MAPK8: variants seen among roughly 807,000 people sequenced by gnomAD.
MAPK8 encodes JUN N-terminal kinase.
Under a neutral mutation model 52.9 loss-of-function variants are expected in MAPK8, and 13 were observed. The ratio of observed to expected loss-of-function variants is 0.25; its 90% CI spans 0.16 to 0.39. The LOEUF (loss-of-function observed/expected upper bound fraction) is 0.39. Ranked by LOEUF, MAPK8 falls within the 10% of genes least tolerant of loss-of-function variation. MAPK8 has a pLI of 1.00. For missense variants in MAPK8, 300 were observed against 519.2 expected (o/e 0.58, Z 4.10); for synonymous variants, 191 against 169.8 (o/e 1.12, Z -0.97).
intron 1 of MAPK8, among the ~76,000 whole-genome samples, chr10:48,313,474 G>T (rs1276811813): frequency 7.9e-5 from 12 of 152,140 alleles, no homozygotes; most frequent in Middle Eastern, 3.4e-3. Flanking sequence ...AATAATCAAA[G>T]ACATTAATAT....
intron 1 of MAPK8, among the ~76,000 whole-genome samples, chr10:48,338,942 A>G (rs1166075583): frequency 6.6e-6 from 1 of 152,156 alleles, no homozygotes; most frequent in South Asian, 2.1e-4. Flanking sequence ...GATGACACAA[A>G]CAAATGGAAG....
At chr10:48,316,433 C>A (rs1842510707) in intron 1 of MAPK8, among the ~76,000 whole-genome samples, 1 of 152,206 alleles carries the variant, frequency 6.6e-6, no homozygotes, top group Non-Finnish European at 1.5e-5. Flanking sequence ...TGATGCATTT[C>A]TCAGAAGGTA....
At chr10:48,375,609 A>C (rs1363823023) in intron 1 of MAPK8, among the ~76,000 whole-genome samples, 1 of 152,186 alleles carries the variant, frequency 6.6e-6, no homozygotes, top group African/African-American at 2.4e-5. Context: ...AGACAGCCAA[A>C]TCATGAGTGA....
At chr10:48,385,064 A>G (rs939743935) in intron 1 of MAPK8, among the ~76,000 whole-genome samples, 1 of 152,208 alleles carries the variant, frequency 6.6e-6, no homozygotes, top group Non-Finnish European at 1.5e-5. Flanking sequence ...CAGAAATAAC[A>G]TTGGTTATTT....
At chr10:48,426,248 C>A in intron 8 of MAPK8, 132 bp from the exon 9 acceptor site, 2 of 828,910 alleles carry the variant, frequency 2.4e-6, no homozygotes, top group Non-Finnish European at 1.7e-6. Context: ...ATATTTTAAT[C>A]ATATGTATAA....
At chr10:48,384,493 G>A (rs2132769204) in intron 1 of MAPK8, among the ~76,000 whole-genome samples, 1 of 152,234 alleles carries the variant, frequency 6.6e-6, no homozygotes, top group East Asian at 1.9e-4. Flanking sequence ...GTTCACTTTT[G>A]TTAGCTTAAA....
At chr10:48,324,907 C>G (rs1375070102) in intron 1 of MAPK8, among the ~76,000 whole-genome samples, 1 of 151,754 alleles carries the variant, frequency 6.6e-6, no homozygotes, top group African/African-American at 2.4e-5. Context: ...TGTGTTGAGT[C>G]TCTTGGTGAG....
rs776489493 is a variant in MAPK8 at position 48,438,719 on chromosome 10, T to C, written c.*3690T>C. ...AATTATAAATGTGTGTTAAATACTT[T>C]CTAGCCAATGTTGACACAATACCAG... On this transcript the variant is annotated 3_prime_UTR_variant, in exon 12 of 12. Transcript: ENST00000374189. 1 of 152,210 alleles carries C rather than the reference T, an allele frequency of 6.6e-6. No individual in the cohort carries two copies. Among genetic ancestry groups the C allele is most frequent in the African/African-American group, 2.4e-5 (1 of 41,442 alleles). The allele number at this position is 152,210 out of a possible 1,614,324, so 9.4% of individuals were successfully genotyped here. A position where few individuals can be genotyped will look rare whatever the true frequency, so the allele number is the denominator to read the frequency against.
At chr10:48,398,099 G>A (rs1305906370) in intron 1 of MAPK8, among the ~76,000 whole-genome samples, 2 of 152,076 alleles carry the variant, frequency 1.3e-5, no homozygotes, top group African/African-American at 4.8e-5. Context: ...TGGGTGAAAG[G>A]TACCCAGAAA....
chr10:48,352,572 AT>A (rs1412280724), intron 1 of MAPK8, among the ~76,000 whole-genome samples: 2 of 152,206 alleles, frequency 1.3e-5, no homozygotes, highest in Admixed American at 1.3e-4. Flanking sequence ...ATTCAATACC[AT>A]TTATGATTAA....
chr10:48,423,545 A>G (rs17010454), intron 6 of MAPK8, among the ~76,000 whole-genome samples: 6,664 of 152,314 alleles, frequency 0.044, 167 homozygotes, highest in African/African-American at 0.066. Flanking sequence ...AGTTAAATGT[A>G]TTTGGGAAAT....
rs1483537196 is a variant in MAPK8 at position 48,436,191 on chromosome 10, T to C, written c.*1162T>C. 6.6e-6 allele frequency: 1 copy of C among 152,230 alleles called. No homozygotes were observed. The highest frequency in any genetic ancestry group is 1.5e-5 in the Non-Finnish European group (1 of 68,034). The allele number at this position is 152,230 out of a possible 1,614,324, so 9.4% of individuals were successfully genotyped here. A position where few individuals can be genotyped will look rare whatever the true frequency, so the allele number is the denominator to read the frequency against. On this transcript the variant is annotated 3_prime_UTR_variant, in exon 12 of 12. Transcript: ENST00000374189. ...GTAGCACACAGCCATATATAGGATATCATTTTCTAAGGACTGTTTCTTCAC... is the reference window on the plus strand; with the variant it reads ...GTAGCACACAGCCATATATAGGATACCATTTTCTAAGGACTGTTTCTTCAC...
chr10:48,383,657 G>T (rs1370808297), intron 1 of MAPK8, among the ~76,000 whole-genome samples: 4 of 151,914 alleles, frequency 2.6e-5, no homozygotes, highest in Admixed American at 6.6e-5. Context: ...GGCATTAAAG[G>T]ATATCATCAG....
At chr10:48,412,695 C>T (rs1168176378) in intron 5 of MAPK8, among the ~76,000 whole-genome samples, 1 of 152,200 alleles carries the variant, frequency 6.6e-6, no homozygotes, top group African/African-American at 2.4e-5. Flanking sequence ...CTGCTTTCTT[C>T]AAAATCCTTT....
chr10:48,398,775 C>G (rs570611725), intron 1 of MAPK8, among the ~76,000 whole-genome samples: 1 of 152,200 alleles, frequency 6.6e-6, no homozygotes, highest in South Asian at 2.1e-4. Context: ...AAATTACATG[C>G]TGTGTGATTT....
At chr10:48,393,812 G>A (rs369208612) in intron 1 of MAPK8, among the ~76,000 whole-genome samples, 30 of 151,894 alleles carry the variant, frequency 2.0e-4, no homozygotes, top group African/African-American at 7.0e-4. Context: ...AACAAGCAAT[G>A]AGAAGAAAAT....
At chr10:48,407,365 G>C (rs1163112069) in intron 3 of MAPK8, among the ~76,000 whole-genome samples, 2 of 152,050 alleles carry the variant, frequency 1.3e-5, no homozygotes, top group African/African-American at 4.8e-5. Flanking sequence ...ACTGTGTCTG[G>C]TTGCATTTTT....
At chr10:48,307,670 C>T (rs529631272) in intron 1 of MAPK8, among the ~76,000 whole-genome samples, 41 of 152,338 alleles carry the variant, frequency 2.7e-4, no homozygotes, top group African/African-American at 9.6e-4. Context: ...ATGTTGACTA[C>T]ATGGCATTGT....
At position 48,434,978 on chromosome 10, in the gene MAPK8, TAC is replaced by T; in HGVS notation, c.1235_1236del (p.Thr412ArgfsTer15). The T allele has an allele frequency of 7.0e-7, 1 of 1,425,222 alleles. No individual in the cohort carries two copies. The highest frequency in any genetic ancestry group is 9.4e-7 in the Non-Finnish European group (1 of 1,065,430). The allele number at this position is 1,425,222 out of a possible 1,614,324, so 88.3% of individuals were successfully genotyped here. A position where few individuals can be genotyped will look rare whatever the true frequency, so the allele number is the denominator to read the frequency against. On this transcript the variant is annotated frameshift_variant, in exon 12 of 12. Transcript: ENST00000374189. LOFTEE classifies it high-confidence loss of function. The stretch of plus-strand genomic sequence containing the variant: ...CAACAGATCCGACTTTGGCCTCTGA[TAC>T]AGACAGCAGTCTAGAAGCAGCAGCT... Reference protein sequence around the residue: ...MSTDPTLASDTDSSLEAAAGP... With the variant: ...MSTDPTLASDXDSSLEAAAGP...
Sources: gnomAD v4.1 joint callset for allele counts (sites outside exome capture counted in the v4.1 genomes callset) on GRCh38, gnomAD v4.1.1 for gene constraint, MANE v1.5 for transcripts, NCBI Gene and HGNC (gene_info 2026-07-23, HGNC 2026-07-21) for gene names.